Variants in CREB3L2 observed in about 807,000 individuals in gnomAD.
CREB3L2 encodes the protein cyclic AMP-responsive element-binding protein 3-like protein 2.
CREB3L2 carries 23 observed loss-of-function variants against 57.2 expected under a neutral mutation model. That is an observed-to-expected ratio of 0.40 (90% confidence interval 0.29 to 0.57). CREB3L2 has a LOEUF of 0.57. CREB3L2 is among the 20% of genes least tolerant of loss of function. The probability of loss-of-function intolerance (pLI) is 0.42; values close to 1 mark genes in which losing one functional copy is unlikely to be tolerated. For synonymous variants in CREB3L2, 268 were observed against 265.1 expected, an observed-to-expected ratio of 1.01 and a Z score of -0.11; for missense variants, 628 against 634.7, an observed-to-expected ratio of 0.99 and a Z score of 0.11.
intron 2 of CREB3L2, among the ~76,000 whole-genome samples, chr7:137,922,067 G>A (rs1281220011): frequency 6.6e-6 from 1 of 151,750 alleles, no homozygotes; most frequent in Non-Finnish European, 1.5e-5. Context: ...TGAGCACCCA[G>A]CTCAACATAC....
intron 8 of CREB3L2, among the ~76,000 whole-genome samples, chr7:137,898,682 CAAAGT>C (rs919364611): frequency 3.5e-4 from 53 of 152,230 alleles, no homozygotes; most frequent in African/African-American, 1.2e-3. Flanking sequence ...CAAAACCAAA[CAAAGT>C]AGAGTCTGTA....
chr7:137,889,219 G>A (rs1243438541), intron 8 of CREB3L2, among the ~76,000 whole-genome samples: 3 of 152,106 alleles, frequency 2.0e-5, no homozygotes, highest in Non-Finnish European at 4.4e-5. Context: ...CCTGAAAACA[G>A]ACTTTCAGCA....
chr7:137,956,862 G>T (rs1021493459), intron 1 of CREB3L2, among the ~76,000 whole-genome samples: 3 of 152,060 alleles, frequency 2.0e-5, no homozygotes, highest in African/African-American at 7.2e-5. Context: ...CTAGAAAAAG[G>T]GATTTGTCAC....
Position 137,885,441 on chromosome 7 carries a change from A to G in CREB3L2, c.1105T>C (p.Cys369Arg). The change falls in exon 9 of 12, where the codon TGC (cysteine) becomes CGC (arginine). Residue 369 changes from cysteine (C) to arginine (R), a missense_variant. Transcript: ENST00000330387. Reference protein sequence around the residue: ...TLVMGKVSRTCKLAGTQTGTC... With the variant: ...TLVMGKVSRTRKLAGTQTGTC... Reference sequence around the variant, plus strand: ...CCAGTCTGCGTGCCAGCTAACTTGCAGGTTCGAGAAACCTTGCCCATCACC... The same window carrying G: ...CCAGTCTGCGTGCCAGCTAACTTGCGGGTTCGAGAAACCTTGCCCATCACC... 6.2e-7 allele frequency: 1 copy of G among 1,614,170 alleles called. No homozygotes were observed. The highest frequency in any genetic ancestry group is 1.1e-5 in the South Asian group (1 of 91,086).
chr7:137,924,471 G>T (rs777231357), intron 2 of CREB3L2, among the ~76,000 whole-genome samples: 1 of 152,176 alleles, frequency 6.6e-6, no homozygotes, highest in Non-Finnish European at 1.5e-5. Context: ...AAAGGAACAT[G>T]ACTGAAATAT....
At position 137,885,440 on chromosome 7, in the gene CREB3L2, C is replaced by T. The variant is rs762143233; in HGVS notation, c.1106G>A (p.Cys369Tyr). 4 of 1,614,150 alleles carry T rather than the reference C, an allele frequency of 2.5e-6. No individual in the cohort carries two copies. The highest frequency in any genetic ancestry group is 2.7e-5 in the African/African-American group (2 of 75,054). Residue 369 changes from cysteine to tyrosine, a missense_variant, in exon 9 of 12, where the codon TGC (cysteine) becomes TAC (tyrosine). This residue lies in a region of CREB3L2 where 272 missense variants were observed against 242.7 expected (regional missense o/e 1.12). Transcript: ENST00000330387. ...GCCAGTCTGCGTGCCAGCTAACTTG[C>T]AGGTTCGAGAAACCTTGCCCATCAC... ...TLVMGKVSRT[C>Y]KLAGTQTGTC...
Position 137,973,299 on chromosome 7 carries a change from G to A in CREB3L2, c.102+28305C>T, listed in dbSNP as rs1316731138. The stretch of plus-strand genomic sequence containing the variant: ...TTGTTTGCCTTGTACGGAAGACTTG[G>A]GTCCCAAGGAGAATCCACACACTCC... On this transcript the variant is annotated intron_variant, in intron 1 of 11. Coordinates refer to ENST00000330387, the MANE Select transcript of CREB3L2 (RefSeq NM_194071.4). Among the ~76,000 whole-genome samples, 2 of 152,118 alleles carry A rather than the reference G, an allele frequency of 1.3e-5. 1 individual carries two copies. The highest frequency in any genetic ancestry group is 4.8e-5 in the African/African-American group (2 of 41,410).
At position 137,973,085 on chromosome 7, in the gene CREB3L2, G is replaced by C. The variant is rs117458282; in HGVS notation, c.102+28519C>G. Among the ~76,000 whole-genome samples the C allele has an allele frequency of 4.8e-3, 729 of 151,396 alleles. 9 individuals carry two copies. The highest frequency in any genetic ancestry group is 5.1e-3 in the Non-Finnish European group (346 of 67,936). On this transcript the variant is annotated intron_variant, in intron 1 of 11. Coordinates refer to ENST00000330387, the MANE Select transcript of CREB3L2 (RefSeq NM_194071.4). ...AGAAATTGAAGAAATAGCATATCTA[G>C]TGGGTGCAGCGCACCAGCACGGCAC...
At chr7:137,922,404 A>ATG (rs1800321129) in intron 2 of CREB3L2, among the ~76,000 whole-genome samples, 1 of 21,448 alleles carries the variant, frequency 4.7e-5, no homozygotes, top group South Asian at 1.6e-3. Flanking sequence ...ATATATATAT[A>ATG]TATATATATA....
intron 7 of CREB3L2, among the ~76,000 whole-genome samples, chr7:137,903,281 C>T (rs1057114421): frequency 6.6e-6 from 1 of 152,186 alleles, no homozygotes; most frequent in African/African-American, 2.4e-5. Flanking sequence ...AGCCAGGAAC[C>T]ACCAGCCACT....
intron 2 of CREB3L2, among the ~76,000 whole-genome samples, chr7:137,924,512 G>T (rs941899513): frequency 6.6e-6 from 1 of 152,232 alleles, no homozygotes; most frequent in South Asian, 2.1e-4. Context: ...TCCATGTGGT[G>T]AGGTACAAGA....
Position 137,928,178 on chromosome 7 carries a change from G to A in CREB3L2, c.291C>T (p.His97=). The change falls in exon 2 of 12, where the codon CAC becomes CAT. Residue 97 remains histidine (H), a synonymous_variant. Coordinates refer to ENST00000330387, the MANE Select transcript of CREB3L2 (RefSeq NM_194071.4). Reference sequence around the variant, plus strand: ...CATTGAAGCTGTCACTGGTGGTAATGTGGGTGAAGGGCGACTGGGCCCGAG... The same window carrying A: ...CATTGAAGCTGTCACTGGTGGTAATATGGGTGAAGGGCGACTGGGCCCGAG... ...EEPRAQSPFT[H]ITTSDSFNDD... is the part of the protein sequence containing the mutation. 1 of 1,585,714 alleles carries A rather than the reference G, an allele frequency of 6.3e-7. No homozygotes were observed.
At chr7:138,000,394 CTG>C (rs1802054756) in intron 1 of CREB3L2, among the ~76,000 whole-genome samples, 1 of 152,232 alleles carries the variant, frequency 6.6e-6, no homozygotes, top group South Asian at 2.1e-4. Context: ...GAAGATCACA[CTG>C]AACATCTGGC....
chr7:137,993,194 G>A (rs562746663), intron 1 of CREB3L2, among the ~76,000 whole-genome samples: 61 of 152,304 alleles, frequency 4.0e-4, no homozygotes, highest in Non-Finnish European at 7.6e-4. Flanking sequence ...TAGGGGATAG[G>A]TTGGAAAAGT....
intron 10 of CREB3L2, 137 bp downstream of exon 10, chr7:137,884,857 CT>C (rs1563237677): frequency 7.9e-7 from 1 of 1,261,840 alleles, no homozygotes; most frequent in Non-Finnish European, 1.2e-6. Context: ...CCCCACTTGC[CT>C]CTTCAAAGGG....
intron 2 of CREB3L2, chr7:137,922,453 T>TATATATATACGTATATATATATATACAC (rs1554498063): frequency 1.4e-5 from 1 of 72,580 alleles, no homozygotes; most frequent in Admixed American, 1.5e-4. Context: ...TATATATATA[T>TATATATATACGTATATATATATATACAC]ACACACATAT....
At chr7:137,943,367 T>G (rs2117260894) in intron 1 of CREB3L2, among the ~76,000 whole-genome samples, 1 of 150,870 alleles carries the variant, frequency 6.6e-6, no homozygotes, top group African/African-American at 2.4e-5. Context: ...TGAGGATGGC[T>G]GAGCTAACAG....
intron 2 of CREB3L2, 59 bp downstream of exon 2, chr7:137,928,091 C>T: frequency 7.5e-7 from 1 of 1,327,020 alleles, no homozygotes; most frequent in Non-Finnish European, 1.1e-6. Flanking sequence ...ACTCCACACC[C>T]TCAAGAGCTC....
chr7:137,963,389 G>C (rs536250968), intron 1 of CREB3L2, among the ~76,000 whole-genome samples: 1 of 152,238 alleles, frequency 6.6e-6, no homozygotes, highest in African/African-American at 2.4e-5. Flanking sequence ...AAACCAGTAC[G>C]GTATTCACTT....
Sources: allele counts gnomAD v4.1 joint callset (sites outside exome capture counted in the v4.1 genomes callset), GRCh38; gene constraint gnomAD v4.1.1; regional missense constraint gnomAD v4.1.1; transcripts MANE v1.5; gene names NCBI Gene and HGNC (gene_info 2026-07-23, HGNC 2026-07-21).